Variants in FBXO42 observed in about 807,000 individuals in gnomAD.
FBXO42 encodes F-box only protein 42.
In FBXO42, 12 loss-of-function variants were observed where a neutral mutation model predicts 71.7. The observed-to-expected ratio is 0.17, with a 90% confidence interval of 0.11 to 0.27. The LOEUF is 0.27. FBXO42 is among the 10% of genes least tolerant of loss of function. The probability of loss-of-function intolerance (pLI) is 1.00; values close to 1 mark genes in which losing one functional copy is unlikely to be tolerated. For synonymous variants in FBXO42, 325 were observed against 327.5 expected, an observed-to-expected ratio of 0.99 and a Z score of 0.08; for missense variants, 707 against 911.9, an observed-to-expected ratio of 0.78 and a Z score of 2.89.
intron 1 of FBXO42, among the ~76,000 whole-genome samples, chr1:16,340,182 A>T (rs1050274466): frequency 4.6e-5 from 7 of 152,098 alleles, no homozygotes; most frequent in Non-Finnish European, 8.8e-5. Context: ...GTCTCAAAAA[A>T]AAAAAAGTAA....
At chr1:16,288,521 A>C (rs527754112) in intron 4 of FBXO42, among the ~76,000 whole-genome samples, 1 of 152,092 alleles carries the variant, frequency 6.6e-6, no homozygotes, top group East Asian at 1.9e-4. Flanking sequence ...CTACTACTTA[A>C]ACATTTAATA....
At chr1:16,268,017 T>C (rs2081797050) in intron 4 of FBXO42, among the ~76,000 whole-genome samples, 2 of 152,168 alleles carry the variant, frequency 1.3e-5, no homozygotes, top group Admixed American at 1.3e-4. Flanking sequence ...CCAGTAATAG[T>C]TCCTTGTTAC....
At chr1:16,300,671 G>C (rs952046536) in intron 3 of FBXO42, among the ~76,000 whole-genome samples, 1 of 152,104 alleles carries the variant, frequency 6.6e-6, no homozygotes, top group Non-Finnish European at 1.5e-5. Context: ...AAGAAGCAAG[G>C]GCGGTTATCC....
chr1:16,257,999 A>T (rs11586437), intron 4 of FBXO42, among the ~76,000 whole-genome samples: 9,605 of 151,850 alleles, frequency 0.063, 675 homozygotes, highest in African/African-American at 0.17. Context: ...TTTTTTTTTT[A>T]AAATCTTTTT....
chr1:16,350,757 A>AAAAAAAGAAAG (rs1553156683), intron 1 of FBXO42, among the ~76,000 whole-genome samples: 5 of 44,246 alleles, frequency 1.1e-4, no homozygotes, highest in Non-Finnish European at 2.1e-4. Flanking sequence ...AAAAAAAAAA[A>AAAAAAAGAAAG]AAAGAAAGAA....
intron 1 of FBXO42, among the ~76,000 whole-genome samples, chr1:16,322,513 T>C (rs1341729450): frequency 6.6e-6 from 1 of 152,074 alleles, no homozygotes; most frequent in African/African-American, 2.4e-5. Context: ...GAGGCGGAGG[T>C]TGCAGTGAGC....
In FBXO42 at chr1:16,251,633, G is replaced by A; in HGVS notation, c.1191C>T (p.Ser397=). 1 of 1,614,188 alleles carries A rather than the reference G, an allele frequency of 6.2e-7. No homozygotes were observed. Among genetic ancestry groups the A allele is most frequent in the Non-Finnish European group, 8.5e-7 (1 of 1,180,040 alleles). Residue 397 remains serine, a synonymous_variant, in exon 10 of 10, where the codon AGC becomes AGT. Coordinates refer to ENST00000375592, the MANE Select transcript of FBXO42 (RefSeq NM_018994.3). This position sits in a 1 kb window ranked among gnomAD's most constrained non-coding sequence, Gnocchi z 4.5. ...REYRSQSPVR[S]MDEAPCVNGR... The stretch of plus-strand genomic sequence containing the variant: ...CGTTAACACAAGGAGCTTCATCCAT[G>A]CTTCTTACTGGAGACTGAGAGCGGT...
intron 4 of FBXO42, among the ~76,000 whole-genome samples, chr1:16,282,462 G>A (rs1359998478): frequency 6.6e-6 from 1 of 151,194 alleles, no homozygotes; most frequent in African/African-American, 2.4e-5. Context: ...CTGATCTCAG[G>A]TGATCCACCC....
chr1:16,349,309 C>G (rs1308862878), intron 1 of FBXO42, among the ~76,000 whole-genome samples: 1 of 152,150 alleles, frequency 6.6e-6, no homozygotes, highest in African/African-American at 2.4e-5. Flanking sequence ...TAGCACTTAA[C>G]GGGTTTCCTT....
intron 1 of FBXO42, among the ~76,000 whole-genome samples, chr1:16,335,133 G>T (rs1247620230): frequency 1.6e-5 from 2 of 128,618 alleles, no homozygotes; most frequent in Non-Finnish European, 3.4e-5. Flanking sequence ...AAAGAGAAAA[G>T]AAAATAAATA....
At chr1:16,312,556 G>A (rs766097467) in intron 2 of FBXO42, among the ~76,000 whole-genome samples, 1 of 152,040 alleles carries the variant, frequency 6.6e-6, no homozygotes, top group East Asian at 1.9e-4. Flanking sequence ...GATTTTTAGG[G>A]CAGTGAAGCT....
At chr1:16,256,814 A>C in intron 4 of FBXO42, 55 bp from the exon 5 acceptor site, 3 of 1,586,408 alleles carry the variant, frequency 1.9e-6, no homozygotes, top group Non-Finnish European at 2.6e-6. Flanking sequence ...AACAATCCGT[A>C]GTTAGGCTAT....
At chr1:16,339,501 C>T (rs1029887319) in intron 1 of FBXO42, among the ~76,000 whole-genome samples, 2 of 151,610 alleles carry the variant, frequency 1.3e-5, no homozygotes, top group Admixed American at 6.6e-5. Context: ...TCAGTAGAGA[C>T]AGAGTTTCAC....
chr1:16,292,528 C>G (rs2082089658), intron 4 of FBXO42: 1 of 152,042 alleles, frequency 6.6e-6, no homozygotes, highest in South Asian at 2.1e-4. Context: ...AACTCCTGGC[C>G]TCAAGGGATC....
At chr1:16,289,267 G>A (rs909689179) in intron 4 of FBXO42, among the ~76,000 whole-genome samples, 1 of 151,992 alleles carries the variant, frequency 6.6e-6, no homozygotes, top group African/African-American at 2.4e-5. Context: ...GTCCCGATGT[G>A]GGGGTGCAAA....
chr1:16,269,378 C>T (rs535134255), intron 4 of FBXO42, among the ~76,000 whole-genome samples: 28 of 150,716 alleles, frequency 1.9e-4, no homozygotes, highest in Admixed American at 1.8e-3. Flanking sequence ...TATAAACCAC[C>T]GAACCCAGAC....
rs1341315634 is a variant in FBXO42, at chr1:16,251,489, A to G, written c.1335T>C (p.Ser445=). ...AGCCACCCACAGCTGCCGTTCCTGGAGACAAACTCCCACCATTGAGGATAG... is the reference window on the plus strand; with the variant it reads ...AGCCACCCACAGCTGCCGTTCCTGGGGACAAACTCCCACCATTGAGGATAG... ...GSPILNGGSL[S]PGTAAVGGSS... Residue 445 remains serine (S), a synonymous_variant, in exon 10 of 10, where the codon TCT becomes TCC. Coordinates refer to ENST00000375592, the MANE Select transcript of FBXO42 (RefSeq NM_018994.3). The surrounding 1 kb of genome is among the most constrained non-coding windows in gnomAD (Gnocchi z 4.5). 6.2e-7 allele frequency: 1 copy of G among 1,614,130 alleles called. No individual in the cohort carries two copies. Among genetic ancestry groups the G allele is most frequent in the Admixed American group, 1.7e-5 (1 of 60,016 alleles).
intron 1 of FBXO42, among the ~76,000 whole-genome samples, chr1:16,347,660 G>A (rs1393461830): frequency 6.6e-6 from 1 of 151,910 alleles, no homozygotes; most frequent in African/African-American, 2.4e-5. Context: ...CTCCAGACCA[G>A]CTTGGCCAAC....
At chr1:16,312,148 T>C (rs2082318609) in intron 2 of FBXO42, among the ~76,000 whole-genome samples, 1 of 152,076 alleles carries the variant, frequency 6.6e-6, no homozygotes, top group South Asian at 2.1e-4. Context: ...CATTTGAGCT[T>C]AGGAGTTTCA....
Sources: allele counts gnomAD v4.1 joint callset (sites outside exome capture counted in the v4.1 genomes callset), GRCh38; gene constraint gnomAD v4.1.1; non-coding constraint Gnocchi (gnomAD v3.1); transcripts MANE v1.5; gene names NCBI Gene and HGNC (gene_info 2026-07-23, HGNC 2026-07-21).